TSG101: variants seen among roughly 807,000 people sequenced by gnomAD.
TSG101 encodes tumor susceptibility 101, also known as tumor susceptibility gene 101 protein.
TSG101 carries 19 observed loss-of-function variants against 48.5 expected under a neutral mutation model. That is an observed-to-expected ratio of 0.39 (90% CI 0.27 to 0.58). The LOEUF is 0.58. Among genes scored for constraint, TSG101 ranks in the 20% least tolerant of loss-of-function variants. The pLI, the probability that TSG101 is intolerant of heterozygous loss-of-function variation, is 0.55. For synonymous variants in TSG101, 174 were observed against 169.4 expected (o/e 1.03, Z -0.21); for missense variants, 365 against 484.4 (o/e 0.75, Z 2.31).
intron 8 of TSG101, 52 bp from the exon 9 acceptor site, chr11:18,481,921 T>C (rs1267424296): frequency 6.3e-7 from 1 of 1,592,220 alleles, no homozygotes; most frequent in African/African-American, 1.3e-5. Context: ...TATCCACTTG[T>C]CAGACACCTA....
chr11:18,526,684 G>C (rs1850380481), intron 1 of TSG101, 91 bp downstream of exon 1: 1 of 1,494,864 alleles, frequency 6.7e-7, no homozygotes, highest in African/African-American at 1.4e-5. Context: ...GCCCGTCTGG[G>C]AAGCTTGCTT....
chr11:18,504,752 T>C (rs1223815360), intron 6 of TSG101, among the ~76,000 whole-genome samples: 2 of 152,232 alleles, frequency 1.3e-5, no homozygotes, highest in Admixed American at 6.5e-5. Context: ...CAGAAGTCCA[T>C]TTCCATAGTG....
At chr11:18,487,605 A>G (rs947361068) in intron 7 of TSG101, among the ~76,000 whole-genome samples, 1 of 152,162 alleles carries the variant, frequency 6.6e-6, no homozygotes, top group African/African-American at 2.4e-5. Flanking sequence ...GGCTCAAGCT[A>G]TCCTCCTTCC....
chr11:18,495,045 T>C (rs1365572864), intron 7 of TSG101, among the ~76,000 whole-genome samples: 1 of 152,212 alleles, frequency 6.6e-6, no homozygotes, highest in Non-Finnish European at 1.5e-5. Context: ...CACTCCCACA[T>C]TTTTAAACAA....
At position 18,522,350 on chromosome 11, in the gene TSG101, G is replaced by T. The variant is rs543172360; in HGVS notation, c.43-2747C>A. Among the ~76,000 whole-genome samples the T allele has an allele frequency of 2.8e-4, 42 of 152,288 alleles. No homozygotes were observed. The South Asian group carries it at 2.9e-3, about 11-fold the overall frequency. On this transcript the variant is annotated intron_variant, in intron 1 of 9. Transcript: ENST00000251968. ...TTCTCCCCAAATTTACTTCTCCAGT[G>T]TCTTCCATATGTGTATACATACATA...
At chr11:18,495,815 G>C (rs1849766792) in intron 7 of TSG101, among the ~76,000 whole-genome samples, 1 of 151,702 alleles carries the variant, frequency 6.6e-6, no homozygotes, top group African/African-American at 2.4e-5. Context: ...ACTCTACATA[G>C]ATCAAGGCTG....
At chr11:18,505,260 CT>C (rs79752716) in intron 6 of TSG101, among the ~76,000 whole-genome samples, 421 of 144,224 alleles carry the variant, frequency 2.9e-3, no homozygotes, top group Middle Eastern at 3.6e-3. Context: ...ATATGCCAAT[CT>C]TTTTTTTTTT....
intron 6 of TSG101, among the ~76,000 whole-genome samples, chr11:18,506,422 G>A (rs946073817): frequency 6.6e-6 from 1 of 151,642 alleles, no homozygotes; most frequent in Non-Finnish European, 1.5e-5. Flanking sequence ...GCTGGGCATG[G>A]TGGCTCACAC....
intron 7 of TSG101, among the ~76,000 whole-genome samples, chr11:18,486,764 C>A (rs200476543): frequency 0.16 from 24,999 of 151,528 alleles, 2,533 homozygotes; most frequent in East Asian, 0.4. Context: ...CATCCCATTA[C>A]TGGGTATATA....
At chr11:18,495,884 A>AT (rs1347451220) in intron 7 of TSG101, among the ~76,000 whole-genome samples, 2 of 151,422 alleles carry the variant, frequency 1.3e-5, no homozygotes, top group African/African-American at 4.8e-5. Context: ...AGATTGCATC[A>AT]CTGCACTCCA....
intron 7 of TSG101, chr11:18,490,878 C>G: frequency 5.8e-6 from 3 of 514,112 alleles, no homozygotes; most frequent in Non-Finnish European, 1.2e-5. Context: ...TGACTGCCTT[C>G]GTGACTACAG....
Position 18,519,544 on chromosome 11 carries a change from A to G in TSG101, c.102T>C (p.Asp34=), listed in dbSNP as rs1850233562. ...CATATGAATCCAAAACAGGTTTGAG[A>G]TCTTTGTATAGAGTAATAACATTGA... is the stretch of plus-strand genomic sequence containing the variant. ...ETVNVITLYK[D]LKPVLDSYVF... is the part of the protein sequence containing the mutation. The change falls in exon 2 of 10, where the codon GAT becomes GAC. Residue 34 remains aspartate (D), a synonymous_variant. Transcript: ENST00000251968. 1.2e-6 allele frequency: 2 copies of G among 1,612,788 alleles called. No individual in the cohort carries two copies. Among genetic ancestry groups the G allele is most frequent in the African/African-American group, 2.7e-5 (2 of 74,900 alleles).
At chr11:18,487,192 A>T (rs1849631350) in intron 7 of TSG101, among the ~76,000 whole-genome samples, 1 of 151,882 alleles carries the variant, frequency 6.6e-6, no homozygotes, top group South Asian at 2.1e-4. Context: ...CAGCACAACA[A>T]CATGGCACAT....
chr11:18,506,732 C>A, intron 6 of TSG101, 125 bp downstream of exon 6: 2 of 659,568 alleles, frequency 3.0e-6, no homozygotes, highest in Non-Finnish European at 4.7e-6. Context: ...AGGAATAAAC[C>A]AAGTTTTATC....
intron 7 of TSG101, among the ~76,000 whole-genome samples, chr11:18,500,410 T>C (rs1849869599): frequency 6.6e-6 from 1 of 152,230 alleles, no homozygotes; most frequent in South Asian, 2.1e-4. Context: ...CATACTGTTT[T>C]CCATAGTGGC....
At chr11:18,516,982 C>A (rs556109070) in intron 2 of TSG101, among the ~76,000 whole-genome samples, 1 of 152,180 alleles carries the variant, frequency 6.6e-6, no homozygotes, top group South Asian at 2.1e-4. Flanking sequence ...CAATACCATA[C>A]TAAATGTTAA....
chr11:18,481,981 T>C, intron 8 of TSG101, 112 bp from the exon 9 acceptor site: 1 of 1,401,554 alleles, frequency 7.1e-7, no homozygotes, highest in Non-Finnish European at 9.6e-7. Context: ...AAACAACTCA[T>C]GGATGAGAAT....
At chr11:18,489,470 T>C (rs1201724231) in intron 7 of TSG101, among the ~76,000 whole-genome samples, 1 of 152,230 alleles carries the variant, frequency 6.6e-6, no homozygotes, top group African/African-American at 2.4e-5. Context: ...GGCTTTTCTT[T>C]AGCTCAGTGT....
intron 7 of TSG101, chr11:18,490,925 G>T: frequency 2.7e-6 from 1 of 369,904 alleles, no homozygotes; most frequent in East Asian, 7.1e-5. Context: ...TCAGTGAGTT[G>T]GCTTTCTGTA....
Sources: allele counts gnomAD v4.1 joint callset (sites outside exome capture counted in the v4.1 genomes callset), GRCh38; gene constraint gnomAD v4.1.1; transcripts MANE v1.5; gene names NCBI Gene and HGNC (gene_info 2026-07-23, HGNC 2026-07-21).